Variants in PAWR observed in about 807,000 individuals in gnomAD.
The protein encoded by PAWR is PRKC apoptosis WT1 regulator protein.
A neutral mutation model predicts 32.0 loss-of-function variants in PAWR; 23 were observed. The observed-to-expected ratio is 0.72, with a 90% CI of 0.52 to 1.02. The LOEUF is 1.02. PAWR is among the 50% of genes least tolerant of loss of function. The pLI is 0.00. For missense variants in PAWR, 457 were observed against 437.7 expected (o/e 1.04, Z -0.39); for synonymous variants, 226 against 187.1 (o/e 1.21, Z -1.70).
At chr12:79,665,334 A>G (rs1356649799) in intron 2 of PAWR, among the ~76,000 whole-genome samples, 1 of 152,192 alleles carries the variant, frequency 6.6e-6, no homozygotes, top group African/African-American at 2.4e-5. Context: ...GAAAAGATTT[A>G]TTTTGCTGAC....
At chr12:79,617,524 T>C (rs1278509936) in intron 3 of PAWR, among the ~76,000 whole-genome samples, 1 of 152,030 alleles carries the variant, frequency 6.6e-6, no homozygotes, top group Non-Finnish European at 1.5e-5. Flanking sequence ...AAGAGAAAAC[T>C]GGGCATATCT....
intron 2 of PAWR, among the ~76,000 whole-genome samples, chr12:79,681,249 G>C (rs1461248378): frequency 6.6e-6 from 1 of 151,958 alleles, no homozygotes; most frequent in Non-Finnish European, 1.5e-5. Context: ...AAGCAGTAAG[G>C]TCCTTTCCCA....
chr12:79,650,152 T>A (rs1486569943), intron 2 of PAWR, among the ~76,000 whole-genome samples: 1 of 152,224 alleles, frequency 6.6e-6, no homozygotes, highest in Non-Finnish European at 1.5e-5. Context: ...AATTTCCATA[T>A]CCATAAGATA....
intron 2 of PAWR, among the ~76,000 whole-genome samples, chr12:79,665,931 G>A (rs563155893): frequency 9.1e-4 from 138 of 152,210 alleles, no homozygotes; most frequent in African/African-American, 3.1e-3. Flanking sequence ...TAAGCTAATC[G>A]CAGACATTAT....
At chr12:79,605,345 A>G (rs1213711907) in intron 4 of PAWR, among the ~76,000 whole-genome samples, 4 of 152,190 alleles carry the variant, frequency 2.6e-5, no homozygotes, top group African/African-American at 7.2e-5. Context: ...TGAGAGCTAG[A>G]CAAGTCCAGA....
At chr12:79,608,963 T>C (rs2136692082) in intron 4 of PAWR, among the ~76,000 whole-genome samples, 1 of 152,178 alleles carries the variant, frequency 6.6e-6, no homozygotes, top group East Asian at 1.9e-4. Context: ...GAGAATCACT[T>C]GAGCTCAGGA....
At chr12:79,600,657 T>C (rs1873926732) in intron 4 of PAWR, among the ~76,000 whole-genome samples, 1 of 147,572 alleles carries the variant, frequency 6.8e-6, no homozygotes, top group South Asian at 2.2e-4. Context: ...GCTTTTTTTT[T>C]TTTTTTTTTT....
chr12:79,629,671 GTTTGTTTTGT>G (rs1042725016), intron 2 of PAWR, among the ~76,000 whole-genome samples: 10 of 151,824 alleles, frequency 6.6e-5, no homozygotes, highest in African/African-American at 2.2e-4. Context: ...TAAACTATAT[GTTTGTTTTGT>G]TTTGTTTTGT....
intron 2 of PAWR, among the ~76,000 whole-genome samples, chr12:79,636,136 T>C (rs1333438196): frequency 4.6e-5 from 7 of 152,166 alleles, no homozygotes; most frequent in African/African-American, 1.2e-4. Context: ...AAGGCAATAG[T>C]TTCCTACTAC....
chr12:79,614,006 TTTTTTTTTTTTTTTTTTTTTTG>T, intron 3 of PAWR, among the ~76,000 whole-genome samples: 1 of 51,962 alleles, frequency 1.9e-5, no homozygotes, highest in Non-Finnish European at 4.2e-5. Context: ...TTTTTTTTTT[TTTTTTTTTTTTTTTTTTTTTTG>T]AGAAGGAGTT....
At chr12:79,685,216 C>T (rs1472247448) in intron 2 of PAWR, among the ~76,000 whole-genome samples, 3 of 152,142 alleles carry the variant, frequency 2.0e-5, no homozygotes, top group Admixed American at 1.3e-4. Flanking sequence ...GCTAATAGCC[C>T]AGGTTTTACA....
intron 2 of PAWR, among the ~76,000 whole-genome samples, chr12:79,637,621 C>T (rs1876024307): frequency 6.8e-6 from 1 of 146,190 alleles, no homozygotes; most frequent in African/African-American, 2.5e-5. Context: ...GCATAATAAA[C>T]AAATGACGTC....
intron 2 of PAWR, chr12:79,632,312 CATATATATATATATAT>C (rs71091677): frequency 3.4e-4 from 4 of 11,596 alleles, no homozygotes; most frequent in South Asian, 3.1e-3. Flanking sequence ...TATATACATA[CATATATATATATATAT>C]ATATATATAT....
intron 3 of PAWR, among the ~76,000 whole-genome samples, chr12:79,619,754 T>C (rs1001004156): frequency 3.9e-5 from 6 of 152,186 alleles, no homozygotes; most frequent in Non-Finnish European, 8.8e-5. Flanking sequence ...TCAAATATAC[T>C]CTTTCTGAAA....
At chr12:79,641,001 A>C (rs1673149902) in intron 2 of PAWR, among the ~76,000 whole-genome samples, 1 of 152,218 alleles carries the variant, frequency 6.6e-6, no homozygotes, top group South Asian at 2.1e-4. Context: ...AAAGAAAATG[A>C]ACAGAGGACT....
intron 3 of PAWR, among the ~76,000 whole-genome samples, chr12:79,615,553 G>T (rs1373217825): frequency 6.6e-6 from 1 of 152,080 alleles, no homozygotes; most frequent in Non-Finnish European, 1.5e-5. Context: ...CTTACAGCAA[G>T]GACAACAACA....
At chr12:79,604,381 A>AG (rs1189292551) in intron 4 of PAWR, 7 of 1,010,402 alleles carry the variant, frequency 6.9e-6, no homozygotes, top group Non-Finnish European at 8.3e-6. Flanking sequence ...TAGAAACACC[A>AG]GGGGGTGTTG....
rs78796038 is a variant in PAWR at position 79,683,605 on chromosome 12, CT to C, written c.516+6123del. The stretch of plus-strand genomic sequence containing the variant: ...CTAAAGTGGTAAGCAGTGGAAACTC[CT>C]TTTTTTTTTTTTTTTAACTCTGAAT... On this transcript the variant is annotated intron_variant, in intron 2 of 6. Transcript: ENST00000328827. Among the ~76,000 whole-genome samples, 1,352 of 136,700 alleles carry C rather than the reference CT, an allele frequency of 9.9e-3. 3 individuals are homozygous for C. The highest frequency in any genetic ancestry group is 0.019 in the Middle Eastern group (5 of 264). 89.7% of individuals were successfully genotyped at this position (136,700 alleles called of 152,430 possible).
At chr12:79,635,027 A>T (rs562512513) in intron 2 of PAWR, among the ~76,000 whole-genome samples, 5 of 152,264 alleles carry the variant, frequency 3.3e-5, no homozygotes, top group African/African-American at 1.2e-4. Context: ...TGCTCTGTAC[A>T]TAACCTCACA....
Sources: allele counts gnomAD v4.1 joint callset (sites outside exome capture counted in the v4.1 genomes callset), GRCh38; gene constraint gnomAD v4.1.1; transcripts MANE v1.5; gene names NCBI Gene and HGNC (gene_info 2026-07-23, HGNC 2026-07-21).